Variants in MOGAT2 observed in about 807,000 individuals in gnomAD.
MOGAT2 encodes the protein 2-acylglycerol O-acyltransferase 2.
MOGAT2 carries 27 observed loss-of-function variants against 31.5 expected under a neutral mutation model. The ratio of observed to expected loss-of-function variants is 0.86; its 90% CI spans 0.63 to 1.18. The LOEUF (loss-of-function observed/expected upper bound fraction) is 1.18. Among genes scored for constraint, MOGAT2 ranks in the 50% most tolerant of loss-of-function variants. The probability of loss-of-function intolerance (pLI) is 0.00; values close to 1 mark genes in which losing one functional copy is unlikely to be tolerated. For missense variants in MOGAT2, 436 were observed against 433.2 expected, an observed-to-expected ratio of 1.01 and a Z score of -0.06; for synonymous variants, 163 against 170.0, an observed-to-expected ratio of 0.96 and a Z score of 0.32.
chr11:75,718,646 C>T (rs572633289), intron 1 of MOGAT2, among the ~76,000 whole-genome samples: 29 of 152,296 alleles, frequency 1.9e-4, no homozygotes, highest in African/African-American at 7.0e-4. Flanking sequence ...CAGACCTGGC[C>T]TGGACCCTGG....
intron 5 of MOGAT2, among the ~76,000 whole-genome samples, chr11:75,730,777 C>T (rs767111821): frequency 8.6e-5 from 13 of 151,916 alleles, no homozygotes; most frequent in East Asian, 1.9e-4. Flanking sequence ...GGCATGGTGG[C>T]GCATGCCTGT....
intron 5 of MOGAT2, 131 bp from the exon 6 acceptor site, chr11:75,731,001 T>C (rs1044451817): frequency 8.3e-6 from 5 of 603,732 alleles, no homozygotes; most frequent in Non-Finnish European, 1.4e-5. Flanking sequence ...TGCCCTAATA[T>C]CTTAAAATTC....
chr11:75,720,190 G>A lies in MOGAT2; in HGVS notation c.270+20G>A. ...ATCTCGGTGAGTATTGAGGCTGGTT[G>A]GGGTTGGGGAGGGAGTTGGCTGGGG... On this transcript the variant is annotated intron_variant, in intron 2 of 5. Coordinates refer to ENST00000198801, the MANE Select transcript of MOGAT2 (RefSeq NM_025098.4). 6.2e-7 allele frequency: 1 copy of A among 1,601,748 alleles called. No individual in the cohort carries two copies. The highest frequency in any genetic ancestry group is 8.5e-7 in the Non-Finnish European group (1 of 1,172,552).
intron 5 of MOGAT2, 130 bp from the exon 6 acceptor site, chr11:75,731,002 C>A: frequency 1.7e-6 from 1 of 589,190 alleles, no homozygotes; most frequent in Non-Finnish European, 2.7e-6. Context: ...GCCCTAATAT[C>A]TTAAAATTCA....
chr11:75,725,458 A>C (rs963210733), intron 2 of MOGAT2, among the ~76,000 whole-genome samples: 2 of 152,068 alleles, frequency 1.3e-5, no homozygotes, highest in Non-Finnish European at 2.9e-5. Flanking sequence ...TGAGGCATAA[A>C]AATTGTTTGA....
At position 75,719,929 on chromosome 11, in the gene MOGAT2, G is replaced by T. The variant is rs1336623775; in HGVS notation, c.92-63G>T. On this transcript the variant is annotated intron_variant, in intron 1 of 5. Transcript: ENST00000198801. The stretch of plus-strand genomic sequence containing the variant: ...CAGGCCTATGGGCAGAGTTCAGTCT[G>T]AGCAATCTCACCTGCCTTCCTCTCA... 9.7e-6 allele frequency: 15 copies of T among 1,546,612 alleles called. No individual in the cohort carries two copies. In the Admixed American group the frequency reaches 1.2e-4, roughly 12 times the overall value.
rs1237247001 is a variant in MOGAT2 at position 75,731,377 on chromosome 11, A to G, written c.*91A>G. 2.1e-6 allele frequency: 3 copies of G among 1,447,030 alleles called. No individual in the cohort carries two copies. Among genetic ancestry groups the G allele is most frequent in the Non-Finnish European group, 2.8e-6 (3 of 1,070,758 alleles). 89.6% of individuals were successfully genotyped at this position (1,447,030 alleles called of 1,614,324 possible). On this transcript the variant is annotated 3_prime_UTR_variant, in exon 6 of 6. Coordinates refer to ENST00000198801, the MANE Select transcript of MOGAT2 (RefSeq NM_025098.4). Reference sequence around the variant, plus strand: ...AGGTGTTTGTTGAACATATCTGCAGAGCCTTCCCAGACTCCTGCAAATCCA... The same window carrying G: ...AGGTGTTTGTTGAACATATCTGCAGGGCCTTCCCAGACTCCTGCAAATCCA...
At chr11:75,718,900 A>G (rs1944352698) in intron 1 of MOGAT2, among the ~76,000 whole-genome samples, 1 of 152,128 alleles carries the variant, frequency 6.6e-6, no homozygotes, top group Non-Finnish European at 1.5e-5. Flanking sequence ...CTGTACACAG[A>G]TACCACTCTC....
At chr11:75,720,858 G>T (rs1419002659) in intron 2 of MOGAT2, among the ~76,000 whole-genome samples, 10 of 152,164 alleles carry the variant, frequency 6.6e-5, no homozygotes, top group African/African-American at 2.4e-4. Flanking sequence ...CATTGTGGAC[G>T]CTGGGCCCTG....
intron 2 of MOGAT2, among the ~76,000 whole-genome samples, chr11:75,722,300 C>T (rs2135732472): frequency 6.6e-6 from 1 of 152,300 alleles, no homozygotes; most frequent in South Asian, 2.1e-4. Flanking sequence ...CCAGCCTGGG[C>T]TTCCTCTTCT....
At chr11:75,718,744 A>G (rs756540577) in intron 1 of MOGAT2, among the ~76,000 whole-genome samples, 27 of 152,262 alleles carry the variant, frequency 1.8e-4, no homozygotes, top group Non-Finnish European at 2.8e-4. Context: ...TGCCCAAACA[A>G]TAGCTCTGCC....
Position 75,726,448 on chromosome 11 carries a change from G to A in MOGAT2, c.271-987G>A, listed in dbSNP as rs567720694. On this transcript the variant is annotated intron_variant, in intron 2 of 5. Coordinates refer to ENST00000198801, the MANE Select transcript of MOGAT2 (RefSeq NM_025098.4). ...GATACCAAAATCCACTGATGCTCAC[G>A]TCCCTCGTATAAAATGATGTAATAT... Among the ~76,000 whole-genome samples, 6 of 152,150 alleles carry A rather than the reference G, an allele frequency of 3.9e-5. No homozygotes were observed. In the South Asian group the frequency reaches 8.3e-4, roughly 21 times the overall value.
intron 2 of MOGAT2, among the ~76,000 whole-genome samples, chr11:75,724,327 T>C (rs1944401012): frequency 6.6e-6 from 1 of 152,176 alleles, no homozygotes; most frequent in African/African-American, 2.4e-5. Context: ...TCTGTAATCT[T>C]CACAGGGATG....
intron 1 of MOGAT2, 102 bp from the exon 2 acceptor site, chr11:75,719,890 A>G: frequency 8.6e-7 from 1 of 1,167,508 alleles, no homozygotes; most frequent in Non-Finnish European, 1.2e-6. Flanking sequence ...TGGACAGGAC[A>G]GTGCTGCTAG....
chr11:75,722,587 C>T (rs1039146787), intron 2 of MOGAT2, among the ~76,000 whole-genome samples: 7 of 152,210 alleles, frequency 4.6e-5, no homozygotes, highest in Admixed American at 6.5e-5. Context: ...ACATTCAGCG[C>T]GGCTAAAGCA....
intron 4 of MOGAT2, chr11:75,728,444 C>T (rs2135736685): frequency 1.8e-6 from 1 of 559,224 alleles, no homozygotes; most frequent in Non-Finnish European, 3.2e-6. Flanking sequence ...AGCTGTTCTC[C>T]CTCCTTGGGG....
intron 5 of MOGAT2, 192 bp from the exon 6 acceptor site, chr11:75,730,940 G>GGAA: frequency 2.8e-6 from 1 of 358,344 alleles, no homozygotes; most frequent in Non-Finnish European, 4.9e-6. Flanking sequence ...GAAAAGAAAA[G>GGAA]AAAAGGAAGA....
intron 2 of MOGAT2, among the ~76,000 whole-genome samples, chr11:75,725,003 C>A (rs519091): frequency 0.19 from 29,003 of 152,098 alleles, 2,854 homozygotes; most frequent in East Asian, 0.23. Flanking sequence ...AAGTGGATGA[C>A]AAATTTTTCA....
intron 5 of MOGAT2, among the ~76,000 whole-genome samples, chr11:75,729,610 T>A (rs947865476): frequency 1.3e-5 from 2 of 151,914 alleles, no homozygotes; most frequent in Middle Eastern, 3.2e-3. Flanking sequence ...CCCCATTTCA[T>A]TGATGGTAAA....
Sources: allele counts gnomAD v4.1 joint callset (sites outside exome capture counted in the v4.1 genomes callset), GRCh38; gene constraint gnomAD v4.1.1; transcripts MANE v1.5; gene names NCBI Gene and HGNC (gene_info 2026-07-23, HGNC 2026-07-21).